Variants in TTC7A observed in about 807,000 individuals in gnomAD.
The protein encoded by TTC7A is tetratricopeptide repeat domain 7A, also known as tetratricopeptide repeat protein 7A.
A neutral mutation model predicts 103.7 loss-of-function variants in TTC7A; 110 were observed. That is an observed-to-expected ratio of 1.06 (90% confidence interval 0.91 to 1.24). The LOEUF (loss-of-function observed/expected upper bound fraction) is 1.24, where lower values mean the gene tolerates loss of function less well. TTC7A is among the 50% of genes most tolerant of loss of function. TTC7A has a pLI of 0.00. For synonymous variants in TTC7A, 521 were observed against 467.9 expected, an observed-to-expected ratio of 1.11 and a Z score of -1.47; for missense variants, 1,340 against 1,116.3, an observed-to-expected ratio of 1.20 and a Z score of -2.86.
rs1033099811 is a variant in TTC7A at position 47,037,098 on chromosome 2, C to G, written c.1802+7714C>G. 2.6e-5 allele frequency among the ~76,000 whole-genome samples: 4 copies of G among 152,350 alleles called. 1 individual carries two copies. In the East Asian group the frequency reaches 7.7e-4, roughly 29 times the overall value. On this transcript the variant is annotated intron_variant, in intron 15 of 19. Coordinates refer to ENST00000319190, the MANE Select transcript of TTC7A (RefSeq NM_020458.4). ...CCACTATAGGCCTTTGTCTGCCCTT[C>G]CTGCCCATCTTCAGAGGACCCCCTC...
intron 16 of TTC7A, chr2:47,046,939 T>A (rs866212902): frequency 3.5e-6 from 1 of 285,312 alleles, no homozygotes; most frequent in South Asian, 6.9e-5. Context: ...GAGGAGGAGG[T>A]GTACTCCTGA....
chr2:47,040,561 C>T (rs142983629), intron 15 of TTC7A: 1 of 152,406 alleles, frequency 6.6e-6, no homozygotes, highest in African/African-American at 2.4e-5. Flanking sequence ...CTGTCATAAG[C>T]CTGTCTTAGG....
At chr2:46,930,436 A>G (rs183513282) in intron 2 of TTC7A, among the ~76,000 whole-genome samples, 160 of 110,236 alleles carry the variant, frequency 1.5e-3, no homozygotes, top group East Asian at 7.1e-3. Context: ...TATTCCTAGG[A>G]AAAAAAAAAA....
rs202176990 is a variant in TTC7A, at chr2:47,005,949, G to A, written c.1093G>A (p.Val365Met). 1.1e-4 allele frequency: 172 copies of A among 1,614,014 alleles called. No individual in the cohort carries two copies. Among genetic ancestry groups the A allele is most frequent in the East Asian group, 2.2e-5 (1 of 44,888 alleles). Reference sequence around the variant, plus strand: ...AACTCGAGATGTGGTGCTGAGCCGGGTGCCGGAGCAGGAGGAGGACCGGAC... The same window carrying A: ...AACTCGAGATGTGGTGCTGAGCCGGATGCCGGAGCAGGAGGAGGACCGGAC... ...MATRDVVLSRVPEQEEDRTVS... is the reference protein window; with the variant it reads ...MATRDVVLSRMPEQEEDRTVS... The change falls in exon 9 of 20, where the codon GTG (valine) becomes ATG (methionine). Residue 365 changes from valine (V) to methionine (M), a missense_variant. Transcript: ENST00000319190.
chr2:46,989,289 T>A (rs1271819893), intron 5 of TTC7A, among the ~76,000 whole-genome samples: 1 of 152,256 alleles, frequency 6.6e-6, no homozygotes, highest in Non-Finnish European at 1.5e-5. Context: ...CAGGGTTTGT[T>A]TGAGGCCCTG....
rs746446061 is a variant in TTC7A at position 46,995,161 on chromosome 2, G to C, written c.1027G>C (p.Glu343Gln). The change falls in exon 8 of 20, where the codon GAG becomes CAG. Residue 343 changes from glutamate (E) to glutamine (Q), a missense_variant. Physicochemically the swap from Glu to Gln is conservative, Grantham distance 29. Transcript: ENST00000319190. ...DNLYCPKDNI[E>Q]EALLLLLISE... ...CCTCTACTGCCCCAAGGACAACATC[G>C]AGGAAGCCCTCCTGCTCCTCCTCAT... is the stretch of plus-strand genomic sequence containing the variant. 1 of 1,614,168 alleles carries C rather than the reference G, an allele frequency of 6.2e-7. No individual in the cohort carries two copies. Among genetic ancestry groups the C allele is most frequent in the African/African-American group, 1.3e-5 (1 of 75,042 alleles).
At chr2:47,070,505 G>T (rs1187931009) in intron 19 of TTC7A, among the ~76,000 whole-genome samples, 1 of 152,204 alleles carries the variant, frequency 6.6e-6, no homozygotes, top group African/African-American at 2.4e-5. Flanking sequence ...AACAAAGCAG[G>T]CAGGAGGCTG....
chr2:46,958,609 C>A, intron 3 of TTC7A: 1 of 1,217,450 alleles, frequency 8.2e-7, no homozygotes, highest in Non-Finnish European at 1.1e-6. Context: ...TGCTAGCTCC[C>A]GTTCCCCAGT....
In TTC7A at chr2:47,006,011, C is replaced by T; in HGVS notation, c.1155C>T (p.Leu385=). The change falls in exon 9 of 20, where the codon CTC becomes CTT. Residue 385 remains leucine, a synonymous_variant. Coordinates refer to ENST00000319190, the MANE Select transcript of TTC7A (RefSeq NM_020458.4). The part of the protein sequence containing the change: ...SLQNAAAIYD[L]LSITLGRRGQ... ...AGAATGCCGCAGCCATCTATGACCT[C>T]CTGAGCATCACGTTGGGCAGAAGGG... 6.2e-7 allele frequency: 1 copy of T among 1,613,960 alleles called. No homozygotes were observed. The highest frequency in any genetic ancestry group is 8.5e-7 in the Non-Finnish European group (1 of 1,180,004).
At chr2:46,983,879 C>T (rs149552207) in intron 5 of TTC7A, among the ~76,000 whole-genome samples, 38 of 152,318 alleles carry the variant, frequency 2.5e-4, no homozygotes, top group South Asian at 8.3e-4. Flanking sequence ...TGTATAGGCA[C>T]GAAGGCCAGA....
intron 19 of TTC7A, among the ~76,000 whole-genome samples, chr2:47,064,096 G>T (rs943916264): frequency 6.6e-6 from 1 of 152,216 alleles, no homozygotes; most frequent in South Asian, 2.1e-4. Context: ...TTCAGCTTAG[G>T]GTTTTCTACC....
chr2:46,931,950 A>T (rs1420538444), intron 2 of TTC7A, among the ~76,000 whole-genome samples: 1 of 152,220 alleles, frequency 6.6e-6, no homozygotes, highest in East Asian at 1.9e-4. Flanking sequence ...GGACGGTTTA[A>T]CCTTTGAAAA....
At chr2:47,040,880 G>C (rs565426471) in intron 15 of TTC7A, among the ~76,000 whole-genome samples, 106 of 152,368 alleles carry the variant, frequency 7.0e-4, no homozygotes, top group African/African-American at 2.4e-3. Flanking sequence ...TCCTGGGCCA[G>C]TGTGTATTCA....
chr2:46,950,258 T>A (rs1259437779), intron 1 of TTC7A, 105 bp from the exon 2 acceptor site: 1 of 1,144,638 alleles, frequency 8.7e-7, no homozygotes, highest in Admixed American at 2.4e-5. Context: ...CCTGAGCCAT[T>A]CATGTACTGG....
chr2:46,927,959 T>C (rs1489805074), intron 2 of TTC7A, among the ~76,000 whole-genome samples: 1 of 133,824 alleles, frequency 7.5e-6, no homozygotes, highest in Non-Finnish European at 1.5e-5. Flanking sequence ...AGTGGCACGG[T>C]CATGGCTCAC....
intron 5 of TTC7A, among the ~76,000 whole-genome samples, chr2:46,988,204 G>A (rs917759726): frequency 4.6e-5 from 7 of 152,002 alleles, no homozygotes; most frequent in South Asian, 2.1e-4. Flanking sequence ...CCCCATCCCC[G>A]GCCTCACTAG....
chr2:46,924,991 A>C (rs1307101587), intron 2 of TTC7A, among the ~76,000 whole-genome samples: 1 of 152,244 alleles, frequency 6.6e-6, no homozygotes, highest in African/African-American at 2.4e-5. Context: ...CAAATGGGGT[A>C]GCTTGGATAC....
chr2:46,982,299 G>T (rs1238327082), intron 5 of TTC7A, among the ~76,000 whole-genome samples: 1 of 152,122 alleles, frequency 6.6e-6, no homozygotes, highest in East Asian at 1.9e-4. Flanking sequence ...ATCTGAGCCT[G>T]GCAGGCGGAG....
rs560689385 is a variant in TTC7A, at chr2:47,041,716, C to G, written c.1803-4599C>G. The stretch of plus-strand genomic sequence containing the variant: ...TGCGGTGAGCCAAGATTGCGCCATT[C>G]CACTCCAGCCTAGGCAACAAGAGCA... On this transcript the variant is annotated intron_variant, in intron 15 of 19. Coordinates refer to ENST00000319190, the MANE Select transcript of TTC7A (RefSeq NM_020458.4). Among the ~76,000 whole-genome samples, 163 of 151,126 alleles carry G rather than the reference C, an allele frequency of 1.1e-3. 1 individual carries two copies. The highest frequency in any genetic ancestry group is 0.011 in the Admixed American group (160 of 15,198).
Sources: gnomAD v4.1 joint callset for allele counts (sites outside exome capture counted in the v4.1 genomes callset) on GRCh38, gnomAD v4.1.1 for gene constraint, MANE v1.5 for transcripts, NCBI Gene and HGNC (gene_info 2026-07-23, HGNC 2026-07-21) for gene names.